Variants in FMN2 observed in about 807,000 individuals in gnomAD.
FMN2 encodes the protein formin 2, also known as formin-2.
Under a neutral mutation model 142.3 loss-of-function variants are expected in FMN2, and 51 were observed. The observed-to-expected ratio is 0.36, with a 90% CI of 0.29 to 0.45. FMN2 has a LOEUF of 0.45. Among genes scored for constraint, FMN2 ranks in the 20% least tolerant of loss-of-function variants. FMN2 has a pLI of 1.00. For synonymous variants in FMN2, 882 were observed against 869.8 expected, an observed-to-expected ratio of 1.01 and a Z score of -0.25; for missense variants, 1,936 against 2,122.8, an observed-to-expected ratio of 0.91 and a Z score of 1.73.
chr1:240,158,373 G>T (rs1249043772), intron 2 of FMN2, among the ~76,000 whole-genome samples: 1 of 151,996 alleles, frequency 6.6e-6, no homozygotes, highest in African/African-American at 2.4e-5. Context: ...TGACCTCCCT[G>T]GGTGATGTTC....
At chr1:240,209,465 G>A (rs1666595366) in intron 5 of FMN2, among the ~76,000 whole-genome samples, 1 of 150,472 alleles carries the variant, frequency 6.6e-6, no homozygotes, top group Non-Finnish European at 1.5e-5. Flanking sequence ...GTGTTAGCCA[G>A]GATGGTTTCC....
intron 8 of FMN2, among the ~76,000 whole-genome samples, chr1:240,305,952 T>TTTTTTTTTGG (rs1491397076): frequency 5.0e-5 from 4 of 79,332 alleles, no homozygotes; most frequent in African/African-American, 1.6e-4. Flanking sequence ...TGCTTGTAAG[T>TTTTTTTTTGG]TTTTTTTTTT....
In FMN2 at chr1:240,095,386, T is replaced by TACACACACACACACACACACACACAC. The variant is rs59692947; in HGVS notation, c.1615+1687_1615+1688insCACACACACACACACACACACACACA. Among the ~76,000 whole-genome samples the TACACACACACACACACACACACACAC allele has an allele frequency of 5.3e-5, 8 of 149,866 alleles. No individual in the cohort carries two copies. The South Asian group carries it at 6.3e-4, about 12-fold the overall frequency. ...ATACATTTGTAAGCATATATGTGCATACACACACACACACACACACACACA... is the reference window on the plus strand; with the variant it reads ...ATACATTTGTAAGCATATATGTGCATACACACACACACACACACACACACACACACACACACACACACACACACACA... On this transcript the variant is annotated intron_variant, in intron 1 of 17. Coordinates refer to ENST00000319653, the MANE Select transcript of FMN2 (RefSeq NM_020066.5).
At chr1:240,214,693 T>A (rs1572075156) in intron 6 of FMN2, among the ~76,000 whole-genome samples, 1 of 152,134 alleles carries the variant, frequency 6.6e-6, no homozygotes, top group East Asian at 1.9e-4. Flanking sequence ...CCTCCCTAAT[T>A]CCAGGGTAGT....
At chr1:240,449,456 A>G (rs1675931293) in intron 16 of FMN2, among the ~76,000 whole-genome samples, 1 of 152,190 alleles carries the variant, frequency 6.6e-6, no homozygotes, top group Non-Finnish European at 1.5e-5. Flanking sequence ...TGGAAAGGAA[A>G]CTTTTGTTTA....
intron 2 of FMN2, chr1:240,170,878 G>C (rs908695970): frequency 6.2e-6 from 5 of 800,518 alleles, no homozygotes; most frequent in Non-Finnish European, 1.1e-5. Flanking sequence ...AGAGTTTGGA[G>C]CCACTGAATG....
At chr1:240,242,864 A>G (rs976156493) in intron 6 of FMN2, among the ~76,000 whole-genome samples, 4 of 152,346 alleles carry the variant, frequency 2.6e-5, no homozygotes, top group African/African-American at 9.6e-5. Flanking sequence ...CACCTCACCA[A>G]TTAGCAAACT....
chr1:240,325,303 A>G (rs1671127695), intron 8 of FMN2, among the ~76,000 whole-genome samples: 1 of 146,072 alleles, frequency 6.8e-6, no homozygotes. Context: ...AGATCGCGCC[A>G]CTGCACTTCA....
At chr1:240,383,242 C>T (rs2103084532) in intron 14 of FMN2, among the ~76,000 whole-genome samples, 1 of 135,180 alleles carries the variant, frequency 7.4e-6, no homozygotes, top group African/African-American at 2.5e-5. Flanking sequence ...GCAAATGCAA[C>T]AGAATAAAAA....
intron 2 of FMN2, among the ~76,000 whole-genome samples, chr1:240,124,087 G>C (rs1351634783): frequency 6.6e-6 from 1 of 152,128 alleles, no homozygotes; most frequent in Admixed American, 6.5e-5. Context: ...TGGACATGTG[G>C]GTTGTTTCCA....
At chr1:240,429,144 T>A (rs1675053266) in intron 15 of FMN2, among the ~76,000 whole-genome samples, 1 of 152,244 alleles carries the variant, frequency 6.6e-6, no homozygotes, top group South Asian at 2.1e-4. Flanking sequence ...TAAGTTCTTG[T>A]ACCTTATGTC....
intron 2 of FMN2, among the ~76,000 whole-genome samples, chr1:240,129,172 C>A (rs1012293166): frequency 9.2e-5 from 14 of 151,974 alleles, no homozygotes; most frequent in Admixed American, 1.3e-4. Context: ...CCTAGCCCAG[C>A]CTTGAATTCA....
intron 1 of FMN2, among the ~76,000 whole-genome samples, chr1:240,119,785 A>C (rs1408948659): frequency 6.6e-6 from 1 of 152,202 alleles, no homozygotes; most frequent in Non-Finnish European, 1.5e-5. Flanking sequence ...CTGGATGTGC[A>C]CGTACACATT....
At chr1:240,365,242 T>TATAC (rs954220942) in intron 14 of FMN2, among the ~76,000 whole-genome samples, 1 of 45,832 alleles carries the variant, frequency 2.2e-5, no homozygotes, top group Admixed American at 2.2e-4. Context: ...TATATACACA[T>TATAC]ATACATACAT....
chr1:240,422,238 G>A (rs568695359), intron 15 of FMN2, among the ~76,000 whole-genome samples: 83 of 152,204 alleles, frequency 5.5e-4, no homozygotes, highest in African/African-American at 2.0e-3. Flanking sequence ...CAGATCTTTT[G>A]CTTTTCCATA....
intron 15 of FMN2, among the ~76,000 whole-genome samples, chr1:240,414,965 G>A (rs79665591): frequency 0.018 from 2,676 of 152,236 alleles, 80 homozygotes; most frequent in African/African-American, 0.062. Context: ...TTGCATTTGA[G>A]AATAAATGTC....
chr1:240,198,342 C>G (rs1012294088), intron 4 of FMN2, among the ~76,000 whole-genome samples: 1 of 152,184 alleles, frequency 6.6e-6, no homozygotes, highest in Non-Finnish European at 1.5e-5. Flanking sequence ...CTTTAACCTT[C>G]CCATCGTATC....
intron 16 of FMN2, among the ~76,000 whole-genome samples, chr1:240,440,448 G>C (rs1018284672): frequency 6.6e-6 from 1 of 152,122 alleles, no homozygotes; most frequent in African/African-American, 2.4e-5. Flanking sequence ...TGCCCAGAAT[G>C]AGCTTTCCTT....
At chr1:240,125,857 C>A (rs1220138363) in intron 2 of FMN2, among the ~76,000 whole-genome samples, 2 of 152,072 alleles carry the variant, frequency 1.3e-5, no homozygotes, top group African/African-American at 2.4e-5. Flanking sequence ...GCGTGAAAAA[C>A]AAACAACAAA....
Sources: gnomAD v4.1 joint callset for allele counts (sites outside exome capture counted in the v4.1 genomes callset) on GRCh38, gnomAD v4.1.1 for gene constraint, MANE v1.5 for transcripts, NCBI Gene and HGNC (gene_info 2026-07-23, HGNC 2026-07-21) for gene names.